ESRRB: variants seen among roughly 807,000 people sequenced by gnomAD.
The protein encoded by ESRRB is estrogen related receptor beta.
A neutral mutation model predicts 46.0 loss-of-function variants in ESRRB; 16 were observed. The ratio of observed to expected loss-of-function variants is 0.35; its 90% CI spans 0.24 to 0.53. The LOEUF (loss-of-function observed/expected upper bound fraction) is 0.53. ESRRB is among the 20% of genes least tolerant of loss of function. ESRRB has a pLI of 0.93. For missense variants in ESRRB, 488 were observed against 607.4 expected, an observed-to-expected ratio of 0.80 and a Z score of 2.07; for synonymous variants, 246 against 259.6, an observed-to-expected ratio of 0.95 and a Z score of 0.50.
intron 5 of ESRRB, among the ~76,000 whole-genome samples, chr14:76,491,235 C>A (rs764565084): frequency 6.6e-6 from 1 of 152,330 alleles, no homozygotes; most frequent in Admixed American, 6.5e-5. Context: ...TTTTGTAAGT[C>A]TTTTCCGTGA....
chr14:76,369,935 A>AAACT (rs1884580471), upstream of ESRRB, among the ~76,000 whole-genome samples: 1 of 152,226 alleles, frequency 6.6e-6, no homozygotes, highest in African/African-American at 2.4e-5. Flanking sequence ...ATAATCTGTG[A>AAACT]GTTTGCAAAG....
At chr14:76,362,662 T>G (rs1294245429) in intron 1 of ESRRB, among the ~76,000 whole-genome samples, 1 of 152,216 alleles carries the variant, frequency 6.6e-6, no homozygotes, top group Non-Finnish European at 1.5e-5. Flanking sequence ...CTTTATTCAT[T>G]TGATTCCTTT....
At chr14:76,350,692 G>A (rs1884303463) in intron 1 of ESRRB, among the ~76,000 whole-genome samples, 1 of 152,166 alleles carries the variant, frequency 6.6e-6, no homozygotes, top group Non-Finnish European at 1.5e-5. Flanking sequence ...CAGCTGTATC[G>A]AGGCACTTTA....
intron 1 of ESRRB, among the ~76,000 whole-genome samples, chr14:76,417,019 C>T (rs1381682064): frequency 6.6e-6 from 1 of 152,060 alleles, no homozygotes; most frequent in Non-Finnish European, 1.5e-5. Flanking sequence ...CACCTGTAAT[C>T]CCAGCTGCTC....
chr14:76,410,314 T>C (rs915127109), intron 1 of ESRRB, among the ~76,000 whole-genome samples: 4 of 152,026 alleles, frequency 2.6e-5, no homozygotes, highest in African/African-American at 9.7e-5. Flanking sequence ...TTCAGTCTTT[T>C]AAAAAAAAGT....
intron 1 of ESRRB, among the ~76,000 whole-genome samples, chr14:76,423,600 G>C (rs1887069729): frequency 6.6e-6 from 1 of 152,248 alleles, no homozygotes; most frequent in Non-Finnish European, 1.5e-5. Context: ...CCTTGATCCT[G>C]TCCTGTGACT....
Position 76,500,798 on chromosome 14 carries a change from C to T in ESRRB, c.*2340C>T, listed in dbSNP as rs1472195745. ...CTGGATCTAGTGTTGCTGCGAGTGA[C>T]CTCACTTCAGAGCCCCTCTAGCAGA... On this transcript the variant is annotated 3_prime_UTR_variant, in exon 7 of 7. Transcript: ENST00000644823. 1.3e-6 allele frequency: 2 copies of T among 1,530,930 alleles called. No individual in the cohort carries two copies. Among genetic ancestry groups the T allele is most frequent in the South Asian group, 1.1e-5 (1 of 89,422 alleles). 94.8% of individuals were successfully genotyped at this position (1,530,930 alleles called of 1,614,324 possible).
At chr14:76,435,646 A>G (rs955894026) in intron 1 of ESRRB, among the ~76,000 whole-genome samples, 13 of 152,314 alleles carry the variant, frequency 8.5e-5, no homozygotes, top group African/African-American at 2.9e-4. Flanking sequence ...CCTGGCCAAC[A>G]GGGTGAAACC....
chr14:76,387,886 G>A (rs1383391807), intron 1 of ESRRB, among the ~76,000 whole-genome samples: 1 of 152,204 alleles, frequency 6.6e-6, no homozygotes, highest in East Asian at 1.9e-4. Flanking sequence ...AGTAATAGTT[G>A]TAGTAATTGA....
chr14:76,376,588 GGGGAAAAGCCGCACACTTCT>G lies in ESRRB; in HGVS notation c.50+141_50+160del. The G allele has an allele frequency of 1.8e-6, 1 of 546,910 alleles. No individual in the cohort carries two copies. Among genetic ancestry groups the G allele is most frequent in the Non-Finnish European group, 2.8e-6 (1 of 362,414 alleles). The allele number at this position is 546,910 out of a possible 1,614,324, so 33.9% of individuals were successfully genotyped here. A position where few individuals can be genotyped will look rare whatever the true frequency, so the allele number is the denominator to read the frequency against. On this transcript the variant is annotated intron_variant, in intron 1 of 6. Transcript: ENST00000644823. This position sits in a 1 kb window ranked among gnomAD's most constrained non-coding sequence, Gnocchi z 4.1. ...GGGGGGGCACTTGGGGGACGAAGGA[GGGGAAAAGCCGCACACTTCT>G]GGGTTTCTTTCTAGGGCATAAACCC...
chr14:76,379,614 C>T (rs1350846258), intron 1 of ESRRB, among the ~76,000 whole-genome samples: 1 of 151,978 alleles, frequency 6.6e-6, no homozygotes, highest in Non-Finnish European at 1.5e-5. Flanking sequence ...TGGAGGTGTG[C>T]GCTGCCATGG....
intron 1 of ESRRB, among the ~76,000 whole-genome samples, chr14:76,328,963 G>C (rs1261323688): frequency 6.6e-6 from 1 of 152,146 alleles, no homozygotes; most frequent in African/African-American, 2.4e-5. Context: ...TGCTCAATAC[G>C]GTTTTGTGGA....
chr14:76,441,206 C>T (rs1293726142), intron 2 of ESRRB, among the ~76,000 whole-genome samples: 1 of 152,200 alleles, frequency 6.6e-6, no homozygotes, highest in East Asian at 1.9e-4. Flanking sequence ...TCGCTGCCAC[C>T]ACACCCATAA....
intron 3 of ESRRB, among the ~76,000 whole-genome samples, chr14:76,479,761 T>G (rs1889732737): frequency 6.6e-6 from 1 of 152,198 alleles, no homozygotes; most frequent in Non-Finnish European, 1.5e-5. Flanking sequence ...GTCCATGCCT[T>G]GACCTCCAGA....
intron 1 of ESRRB, among the ~76,000 whole-genome samples, chr14:76,409,807 G>A (rs1316472764): frequency 1.3e-5 from 2 of 152,130 alleles, no homozygotes; most frequent in Non-Finnish European, 2.9e-5. Flanking sequence ...ATGGTGGGAA[G>A]GCTGAGGAAA....
intron 5 of ESRRB, among the ~76,000 whole-genome samples, chr14:76,489,869 A>G (rs1469988398): frequency 1.3e-5 from 2 of 152,152 alleles, no homozygotes; most frequent in East Asian, 3.9e-4. Flanking sequence ...AAGTCCAGAG[A>G]GGAGAAGTGA....
chr14:76,342,664 A>C (rs1376556762), intron 1 of ESRRB, among the ~76,000 whole-genome samples: 1 of 152,216 alleles, frequency 6.6e-6, no homozygotes, highest in East Asian at 1.9e-4. Flanking sequence ...ATGAGCTTTG[A>C]TTTCCCCATC....
chr14:76,376,550 T>G lies in ESRRB; in HGVS notation c.50+99T>G. 1.1e-6 allele frequency: 1 copy of G among 911,690 alleles called. No homozygotes were observed. Among genetic ancestry groups the G allele is most frequent in the Non-Finnish European group, 1.4e-6 (1 of 697,482 alleles). 56.5% of individuals were successfully genotyped at this position (911,690 alleles called of 1,614,324 possible). A position where few individuals can be genotyped will look rare whatever the true frequency, so the allele number is the denominator to read the frequency against. On this transcript the variant is annotated intron_variant, in intron 1 of 6. Coordinates refer to ENST00000644823, the MANE Select transcript of ESRRB (RefSeq NM_001379180.1). This position sits in a 1 kb window ranked among gnomAD's most constrained non-coding sequence, Gnocchi z 4.1. ...TTTTCTGCACATTCTTGTGTAAAAGTGGAAGGGACTTCGGGGGGGCACTTG... is the reference window on the plus strand; with the variant it reads ...TTTTCTGCACATTCTTGTGTAAAAGGGGAAGGGACTTCGGGGGGGCACTTG...
chr14:76,477,033 A>T (rs1211081249), intron 3 of ESRRB, among the ~76,000 whole-genome samples: 1 of 151,928 alleles, frequency 6.6e-6, no homozygotes, highest in African/African-American at 2.4e-5. Flanking sequence ...CGGAGGTTGC[A>T]GTGAGCCGAG....
Sources: allele counts gnomAD v4.1 joint callset (sites outside exome capture counted in the v4.1 genomes callset), GRCh38; gene constraint gnomAD v4.1.1; non-coding constraint Gnocchi (gnomAD v3.1); transcripts MANE v1.5; gene names NCBI Gene and HGNC (gene_info 2026-07-23, HGNC 2026-07-21).